Variants in KLF15 observed in about 807,000 individuals in gnomAD.
KLF15 encodes the protein KLF transcription factor 15.
A neutral mutation model predicts 24.6 loss-of-function variants in KLF15; 4 were observed. That is an observed-to-expected ratio of 0.16 (90% CI 0.08 to 0.37). The LOEUF (loss-of-function observed/expected upper bound fraction) is 0.37, where lower values mean the gene tolerates loss of function less well. Among genes scored for constraint, KLF15 ranks in the 10% least tolerant of loss-of-function variants. KLF15 has a pLI of 1.00. For synonymous variants in KLF15, 246 were observed against 236.3 expected (o/e 1.04, Z -0.37); for missense variants, 496 against 560.6 (o/e 0.88, Z 1.16).
At chr3:126,296,465 C>T in the KLF15 span, among the ~76,000 whole-genome samples, 1 of 152,226 alleles carries the variant, frequency 6.6e-6, no homozygotes, top group East Asian at 1.9e-4. Context: ...CCTTGGCCTC[C>T]CAAAGTGCTG....
the KLF15 span, among the ~76,000 whole-genome samples, chr3:126,324,016 C>A: frequency 7.1e-6 from 1 of 140,302 alleles, no homozygotes; most frequent in African/African-American, 2.7e-5. Context: ...TGTAAATAGT[C>A]CTGCAATAAA....
At chr3:126,316,026 C>A in the KLF15 span, among the ~76,000 whole-genome samples, 1 of 152,258 alleles carries the variant, frequency 6.6e-6, no homozygotes, top group African/African-American at 2.4e-5. Context: ...CCACTGCTGT[C>A]TGTCTCTGTG....
the KLF15 span, among the ~76,000 whole-genome samples, chr3:126,298,399 G>A: frequency 8.3e-4 from 122 of 147,446 alleles, 1 homozygote; most frequent in African/African-American, 2.8e-3. Flanking sequence ...CCCACTTTGC[G>A]GGTTGTCTGT....
chr3:126,302,339 G>T, the KLF15 span, among the ~76,000 whole-genome samples: 1 of 152,166 alleles, frequency 6.6e-6, no homozygotes, highest in East Asian at 1.9e-4. Flanking sequence ...CACTACAAAA[G>T]AATATGTATC....
chr3:126,340,889 T>A (rs2082475075), downstream of KLF15, among the ~76,000 whole-genome samples: 1 of 118,712 alleles, frequency 8.4e-6, no homozygotes, highest in African/African-American at 3.2e-5. Flanking sequence ...ATGCTGACAT[T>A]GGGGCTGCAG....
the KLF15 span, among the ~76,000 whole-genome samples, chr3:126,308,569 C>T: frequency 6.6e-6 from 1 of 151,824 alleles, no homozygotes; most frequent in Non-Finnish European, 1.5e-5. Context: ...GTTCTGCCTG[C>T]CCTGGTTCTC....
rs921006150 is a variant in KLF15 at position 126,356,886 on chromosome 3, C to T, written c.-26+351G>A. On this transcript the variant is annotated intron_variant, in intron 1 of 2. Transcript: ENST00000296233. This position sits in a 1 kb window ranked among gnomAD's most constrained non-coding sequence, Gnocchi z 4.4. ...CGCCCCCCAACCCCGGGCTGGCCAG[C>T]GCGTCCGCTCTCCCCCTCCTCTCAC... is the stretch of plus-strand genomic sequence containing the variant. Among the ~76,000 whole-genome samples, 1 of 151,764 alleles carries T rather than the reference C, an allele frequency of 6.6e-6. No homozygotes were observed. Among genetic ancestry groups the T allele is most frequent in the Admixed American group, 6.6e-5 (1 of 15,264 alleles).
the KLF15 span, among the ~76,000 whole-genome samples, chr3:126,299,032 A>G: frequency 3.9e-5 from 6 of 152,312 alleles, no homozygotes; most frequent in Admixed American, 1.3e-4. Context: ...TGGGAATTGC[A>G]TTAAATCTGT....
downstream of KLF15, among the ~76,000 whole-genome samples, chr3:126,338,323 C>A (rs1576578370): frequency 6.6e-6 from 1 of 152,188 alleles, no homozygotes; most frequent in Admixed American, 6.5e-5. Flanking sequence ...CATGACCGTC[C>A]ACGCCTTGTC....
the KLF15 span, among the ~76,000 whole-genome samples, chr3:126,289,911 A>G: frequency 6.6e-6 from 1 of 152,206 alleles, no homozygotes; most frequent in South Asian, 2.1e-4. Context: ...GGAAAAAGCC[A>G]GCTGGAGGGG....
the KLF15 span, among the ~76,000 whole-genome samples, chr3:126,305,699 A>G: frequency 2.0e-3 from 297 of 152,276 alleles, no homozygotes; most frequent in African/African-American, 7.0e-3. Flanking sequence ...GCAAGAGTGG[A>G]AGTTTTTGGA....
At chr3:126,353,827 G>T (rs2082608373) in intron 1 of KLF15, among the ~76,000 whole-genome samples, 1 of 152,168 alleles carries the variant, frequency 6.6e-6, no homozygotes, top group Non-Finnish European at 1.5e-5. Context: ...TGCCCCTCTG[G>T]TGATAATCCG....
the KLF15 span, among the ~76,000 whole-genome samples, chr3:126,321,457 T>G: frequency 6.6e-6 from 1 of 152,228 alleles, no homozygotes; most frequent in Non-Finnish European, 1.5e-5. Context: ...CCAGCACCAC[T>G]GAGTGCCTGG....
At chr3:126,289,042 G>A in the KLF15 span, 1 of 152,164 alleles carries the variant, frequency 6.6e-6, no homozygotes, top group African/African-American at 2.4e-5. Context: ...TGTTTATGGG[G>A]AAATTTAGTA....
the KLF15 span, among the ~76,000 whole-genome samples, chr3:126,327,574 C>G: frequency 1.3e-5 from 2 of 152,078 alleles, no homozygotes; most frequent in Admixed American, 6.5e-5. Flanking sequence ...AGGATTTTGA[C>G]CCGCCTTGCT....
the KLF15 span, among the ~76,000 whole-genome samples, chr3:126,292,683 G>T: frequency 3.9e-5 from 6 of 152,132 alleles, no homozygotes; most frequent in Admixed American, 6.5e-5. Flanking sequence ...GAGCAGCAGT[G>T]GGGGAGGTGT....
At chr3:126,289,505 A>G in the KLF15 span, among the ~76,000 whole-genome samples, 27 of 152,248 alleles carry the variant, frequency 1.8e-4, no homozygotes, top group Non-Finnish European at 3.1e-4. Context: ...TTAACAGGCA[A>G]TTCACAGAAG....
chr3:126,291,949 A>T, the KLF15 span, among the ~76,000 whole-genome samples: 1 of 152,176 alleles, frequency 6.6e-6, no homozygotes, highest in Non-Finnish European at 1.5e-5. Flanking sequence ...AACAAATGCC[A>T]TCCCTTTAAT....
the KLF15 span, among the ~76,000 whole-genome samples, chr3:126,311,175 C>T: frequency 2.0e-5 from 3 of 152,224 alleles, no homozygotes; most frequent in Non-Finnish European, 4.4e-5. Flanking sequence ...TGGCCACTTC[C>T]AGCCACCACA....
Sources: allele counts gnomAD v4.1 joint callset (sites outside exome capture counted in the v4.1 genomes callset), GRCh38; gene constraint gnomAD v4.1.1; non-coding constraint Gnocchi (gnomAD v3.1); transcripts MANE v1.5; gene names NCBI Gene and HGNC (gene_info 2026-07-23, HGNC 2026-07-21).